The following EYS variants were observed in gnomAD, a reference collection of about 807,000 sequenced individuals.
EYS encodes the protein protein eyes shut homolog.
Under a neutral mutation model 282.1 loss-of-function variants are expected in EYS, and 250 were observed. That is an observed-to-expected ratio of 0.89 (90% CI 0.80 to 0.98). The LOEUF (loss-of-function observed/expected upper bound fraction) is 0.98, where lower values mean the gene tolerates loss of function less well. Among genes scored for constraint, EYS ranks in the 50% least tolerant of loss-of-function variants. The pLI is 0.00. For missense variants in EYS, 4,016 were observed against 3,709.0 expected, an observed-to-expected ratio of 1.08 and a Z score of -2.15; for synonymous variants, 1,355 against 1,282.9, an observed-to-expected ratio of 1.06 and a Z score of -1.20.
chr6:64,377,180 TATCTC>T (rs1226920281), intron 29 of EYS, among the ~76,000 whole-genome samples: 8 of 152,296 alleles, frequency 5.3e-5, no homozygotes, highest in African/African-American at 1.9e-4. Flanking sequence ...TGTCAGCTCT[TATCTC>T]ATTGAAAAAA....
chr6:64,512,628 GA>G (rs371367493), intron 26 of EYS, among the ~76,000 whole-genome samples: 1 of 150,962 alleles, frequency 6.6e-6, no homozygotes, highest in African/African-American at 2.4e-5. Context: ...AGGAAAGTGG[GA>G]AAAAAAGGCA....
At chr6:64,239,514 C>CT (rs1049799363) in intron 30 of EYS, among the ~76,000 whole-genome samples, 1 of 151,764 alleles carries the variant, frequency 6.6e-6, no homozygotes, top group African/African-American at 2.4e-5. Context: ...TGATCATGAG[C>CT]TTTTTTTCAT....
At chr6:63,846,849 A>G (rs1280143466) in intron 36 of EYS, among the ~76,000 whole-genome samples, 1 of 152,216 alleles carries the variant, frequency 6.6e-6, no homozygotes, top group Admixed American at 6.5e-5. Context: ...GTCAATAAAA[A>G]AAATTTAAAA....
At chr6:64,056,048 A>G (rs982652935) in intron 33 of EYS, among the ~76,000 whole-genome samples, 3 of 152,108 alleles carry the variant, frequency 2.0e-5, no homozygotes, top group African/African-American at 7.2e-5. Context: ...TAAGGAAAAT[A>G]TGAACATCTC....
intron 19 of EYS, among the ~76,000 whole-genome samples, chr6:64,860,946 G>A (rs951848058): frequency 6.6e-6 from 1 of 152,204 alleles, no homozygotes; most frequent in African/African-American, 2.4e-5. Context: ...AGGAAAGGAA[G>A]TGTGTGCTGA....
intron 5 of EYS, among the ~76,000 whole-genome samples, chr6:65,411,519 A>G (rs1039402132): frequency 1.3e-5 from 2 of 152,048 alleles, no homozygotes; most frequent in African/African-American, 4.8e-5. Flanking sequence ...GTATAGTTCT[A>G]TGTCATTTCA....
At chr6:64,505,824 A>G (rs1777190687) in intron 26 of EYS, among the ~76,000 whole-genome samples, 1 of 152,202 alleles carries the variant, frequency 6.6e-6, no homozygotes, top group Non-Finnish European at 1.5e-5. Context: ...TCAATTATCA[A>G]CACTTATGAT....
chr6:64,887,152 C>G lies in EYS; in HGVS notation c.2847-310G>C, dbSNP rs533378570. Among the ~76,000 whole-genome samples, 72 of 151,482 alleles carry G rather than the reference C, an allele frequency of 4.8e-4. 1 individual carries two copies. Among genetic ancestry groups the G allele is most frequent in the African/African-American group, 1.7e-3 (69 of 41,356 alleles). On this transcript the variant is annotated intron_variant, in intron 18 of 42. Coordinates refer to ENST00000503581, the MANE Select transcript of EYS (RefSeq NM_001142800.2). ...GTAGGGACATGGATGAAGCTGGAAA[C>G]CATCATTCTCAGCAAACTATCACAA...
At chr6:64,091,743 A>G (rs998578383) in intron 31 of EYS, among the ~76,000 whole-genome samples, 7 of 152,028 alleles carry the variant, frequency 4.6e-5, no homozygotes, top group Non-Finnish European at 8.8e-5. Flanking sequence ...AGCTTGGGAT[A>G]CTGACATTGT....
intron 13 of EYS, among the ~76,000 whole-genome samples, chr6:65,004,171 A>T (rs912674306): frequency 6.8e-6 from 1 of 147,620 alleles, no homozygotes; most frequent in African/African-American, 2.4e-5. Flanking sequence ...GAATATTTTT[A>T]AAAATTCTAC....
rs561802204 is a variant in EYS, at chr6:64,691,990, AT to A, written c.3444-65746del. Among the ~76,000 whole-genome samples the A allele has an allele frequency of 3.3e-5, 5 of 152,264 alleles. No homozygotes were observed. In the East Asian group the frequency reaches 9.7e-4, roughly 29 times the overall value. On this transcript the variant is annotated intron_variant, in intron 22 of 42. Coordinates refer to ENST00000503581, the MANE Select transcript of EYS (RefSeq NM_001142800.2). ...GTCCATGTGTCTTTTTGGTAGACCA[AT>A]TTATTTTCTTGTGGATATATACCCA...
chr6:64,207,175 T>C (rs1765634728), intron 31 of EYS, among the ~76,000 whole-genome samples: 1 of 151,942 alleles, frequency 6.6e-6, no homozygotes, highest in Non-Finnish European at 1.5e-5. Context: ...CCCTCATGAG[T>C]AGATTAATGC....
intron 41 of EYS, among the ~76,000 whole-genome samples, chr6:63,727,967 A>G (rs1318905026): frequency 6.6e-6 from 1 of 150,828 alleles, no homozygotes; most frequent in East Asian, 1.9e-4. Context: ...AAGCATCCCC[A>G]TTTTTAATAA....
chr6:64,269,110 C>G (rs1582512345), intron 30 of EYS, among the ~76,000 whole-genome samples: 1 of 152,062 alleles, frequency 6.6e-6, no homozygotes, highest in South Asian at 2.1e-4. Flanking sequence ...CTAATTGATT[C>G]ATCATTGTCT....
At chr6:65,346,526 A>G (rs1021837421) in intron 9 of EYS, among the ~76,000 whole-genome samples, 4 of 151,700 alleles carry the variant, frequency 2.6e-5, no homozygotes, top group African/African-American at 4.8e-5. Context: ...GAGATATTCA[A>G]TTGGAGGAAT....
At chr6:64,946,969 C>T (rs1398027785) in intron 14 of EYS, among the ~76,000 whole-genome samples, 1 of 151,738 alleles carries the variant, frequency 6.6e-6, no homozygotes, top group Non-Finnish European at 1.5e-5. Flanking sequence ...TTCTACTGAA[C>T]AGAGGTGAGA....
intron 22 of EYS, among the ~76,000 whole-genome samples, chr6:64,706,624 C>A (rs1362097082): frequency 6.6e-6 from 1 of 151,754 alleles, no homozygotes; most frequent in Non-Finnish European, 1.5e-5. Context: ...AGAAAAAAAA[C>A]AAACAATTCC....
chr6:65,578,208 A>AATAT lies in EYS; in HGVS notation c.-333+61566_-333+61569dup, dbSNP rs71002321. On this transcript the variant is annotated intron_variant, in intron 2 of 42. Coordinates refer to ENST00000503581, the MANE Select transcript of EYS (RefSeq NM_001142800.2). ...GATCTACAGATGAACAGATAATGAA[A>AATAT]ATATATATATATACACACAATAGAA... Among the ~76,000 whole-genome samples, 1,463 of 149,154 alleles carry AATAT rather than the reference A, an allele frequency of 9.8e-3. 17 individuals are homozygous for AATAT. The highest frequency in any genetic ancestry group is 0.03 in the African/African-American group (1,228 of 40,678).
intron 12 of EYS, among the ~76,000 whole-genome samples, chr6:65,093,722 AC>A (rs1412290441): frequency 1.3e-5 from 2 of 151,808 alleles, no homozygotes; most frequent in African/African-American, 4.8e-5. Flanking sequence ...GGGACAAAAT[AC>A]CTATAAAATA....
Sources: allele counts gnomAD v4.1 joint callset (sites outside exome capture counted in the v4.1 genomes callset), GRCh38; gene constraint gnomAD v4.1.1; transcripts MANE v1.5; gene names NCBI Gene and HGNC (gene_info 2026-07-23, HGNC 2026-07-21).